SOX5: variants seen among roughly 807,000 people sequenced by gnomAD.
SOX5 encodes SRY-box transcription factor 5.
In SOX5, 9 loss-of-function variants were observed where a neutral mutation model predicts 92.0. The ratio of observed to expected loss-of-function variants is 0.10; its 90% CI spans 0.06 to 0.17. SOX5 has a LOEUF of 0.17. Among genes scored for constraint, SOX5 ranks in the 10% least tolerant of loss-of-function variants. The pLI, the probability that SOX5 is intolerant of heterozygous loss-of-function variation, is 1.00. For synonymous variants in SOX5, 344 were observed against 336.3 expected, an observed-to-expected ratio of 1.02 and a Z score of -0.25; for missense variants, 642 against 944.5, an observed-to-expected ratio of 0.68 and a Z score of 4.20.
intron 7 of SOX5, among the ~76,000 whole-genome samples, chr12:23,659,553 T>C (rs1484607653): frequency 6.6e-6 from 1 of 152,230 alleles, no homozygotes; most frequent in Non-Finnish European, 1.5e-5. Flanking sequence ...AAATGCAGAA[T>C]GAGGATGTGA....
At chr12:24,174,014 T>G (rs1482795888) in intron 4 of SOX5, among the ~76,000 whole-genome samples, 1 of 151,884 alleles carries the variant, frequency 6.6e-6, no homozygotes, top group Non-Finnish European at 1.5e-5. Context: ...TGTTTTTTTT[T>G]TCTGAGACAG....
At chr12:24,217,283 T>C (rs147019599) in intron 3 of SOX5, among the ~76,000 whole-genome samples, 130 of 152,310 alleles carry the variant, frequency 8.5e-4, no homozygotes, top group Non-Finnish European at 1.1e-3. Flanking sequence ...GACAGTCTAA[T>C]TGAGGACCTT....
chr12:23,635,152 C>G lies in SOX5; in HGVS notation c.1017+5660G>C, dbSNP rs16926483. ...CAGACTTAAGACCAATGAAGTCTTCCCTGAAAAAAGTGATGTTTTAACCTG... is the reference window on the plus strand; with the variant it reads ...CAGACTTAAGACCAATGAAGTCTTCGCTGAAAAAAGTGATGTTTTAACCTG... On this transcript the variant is annotated intron_variant, in intron 8 of 14. Coordinates refer to ENST00000451604, the MANE Select transcript of SOX5 (RefSeq NM_006940.6). Among the ~76,000 whole-genome samples the G allele has an allele frequency of 7.9e-3, 1,195 of 152,098 alleles. 21 individuals are homozygous for G. The highest frequency in any genetic ancestry group is 0.027 in the African/African-American group (1,141 of 41,508).
At chr12:24,310,858 CTTTTT>C (rs367996399) in intron 2 of SOX5, among the ~76,000 whole-genome samples, 4,401 of 145,234 alleles carry the variant, frequency 0.03, 193 homozygotes, top group African/African-American at 0.1. Flanking sequence ...TTTTTTGTTT[CTTTTT>C]TTTTTTAACT....
intron 4 of SOX5, among the ~76,000 whole-genome samples, chr12:24,010,825 G>T (rs1338457076): frequency 6.6e-6 from 1 of 151,926 alleles, no homozygotes; most frequent in Admixed American, 6.6e-5. Context: ...TGTAGTCCCA[G>T]CTATTCAAGA....
At chr12:23,980,301 T>C (rs907797025) in intron 4 of SOX5, among the ~76,000 whole-genome samples, 1 of 152,206 alleles carries the variant, frequency 6.6e-6, no homozygotes, top group Non-Finnish European at 1.5e-5. Flanking sequence ...CAGGTAAGTA[T>C]CTTTTTTCTT....
chr12:24,229,925 T>G (rs1963010298), intron 3 of SOX5, among the ~76,000 whole-genome samples: 1 of 152,222 alleles, frequency 6.6e-6, no homozygotes, highest in African/African-American at 2.4e-5. Context: ...CTGCCCTCAC[T>G]GGTCATCATA....
chr12:23,681,908 A>C (rs963452047), intron 6 of SOX5, among the ~76,000 whole-genome samples: 2 of 151,752 alleles, frequency 1.3e-5, no homozygotes, highest in South Asian at 2.1e-4. Flanking sequence ...TGTTATATCC[A>C]TCCAGTAAAA....
intron 6 of SOX5, among the ~76,000 whole-genome samples, chr12:23,674,841 A>T (rs951227651): frequency 6.6e-6 from 1 of 151,888 alleles, no homozygotes; most frequent in South Asian, 2.1e-4. Context: ...ACTATATATT[A>T]CTTTAACCAT....
chr12:24,202,644 T>A (rs557583240), intron 4 of SOX5, among the ~76,000 whole-genome samples: 2 of 152,370 alleles, frequency 1.3e-5, no homozygotes, highest in African/African-American at 4.8e-5. Flanking sequence ...TTGTTTTTAA[T>A]GACCTTCACA....
At chr12:23,628,505 G>A (rs1250822126) in intron 8 of SOX5, among the ~76,000 whole-genome samples, 1 of 152,056 alleles carries the variant, frequency 6.6e-6, no homozygotes, top group African/African-American at 2.4e-5. Flanking sequence ...TAATATTGTT[G>A]TAATTTTCAT....
At chr12:23,569,497 C>T (rs1291642101) in intron 10 of SOX5, among the ~76,000 whole-genome samples, 1 of 152,140 alleles carries the variant, frequency 6.6e-6, no homozygotes, top group East Asian at 1.9e-4. Context: ...CTTTAATGTT[C>T]CTGGAAAATC....
intron 4 of SOX5, among the ~76,000 whole-genome samples, chr12:24,085,783 A>G (rs1306853499): frequency 6.6e-6 from 1 of 151,974 alleles, no homozygotes; most frequent in Admixed American, 6.6e-5. Flanking sequence ...CTTGTCATTG[A>G]CAAAGAAGAA....
chr12:23,734,519 G>A (rs1167492148), intron 6 of SOX5, among the ~76,000 whole-genome samples, 165 bp downstream of exon 6: 1 of 152,188 alleles, frequency 6.6e-6, no homozygotes, highest in Non-Finnish European at 1.5e-5. Flanking sequence ...CCTGTAGACT[G>A]ACCAGACACC....
intron 4 of SOX5, among the ~76,000 whole-genome samples, chr12:24,209,147 A>T (rs1958325683): frequency 6.6e-6 from 1 of 152,176 alleles, no homozygotes; most frequent in African/African-American, 2.4e-5. Flanking sequence ...ATGCAGAAGA[A>T]GTTGAAGGTA....
At chr12:24,516,440 A>G (rs1949796119) in intron 1 of SOX5, among the ~76,000 whole-genome samples, 1 of 152,168 alleles carries the variant, frequency 6.6e-6, no homozygotes, top group Admixed American at 6.5e-5. Context: ...CTCAACATAA[A>G]CAAGTGTATC....
intron 4 of SOX5, among the ~76,000 whole-genome samples, chr12:23,986,742 G>A (rs1316504351): frequency 6.6e-6 from 1 of 152,138 alleles, no homozygotes; most frequent in Non-Finnish European, 1.5e-5. Flanking sequence ...AAAGTTCTAA[G>A]GATGCTTCCT....
At position 24,487,856 on chromosome 12, in the gene SOX5, T is replaced by C. The variant is rs1946672498; in HGVS notation, c.-251+74473A>G. On this transcript the variant is annotated intron_variant, in intron 1 of 4. Coordinates refer to the SOX5 transcript ENST00000446891. ...TAGTACCCAGTGTCCTCTTTTTTTT[T>C]TCCCCAAAGACAAAAACTTTCAATA... Among the ~76,000 whole-genome samples, 6 of 152,126 alleles carry C rather than the reference T, an allele frequency of 3.9e-5. No individual in the cohort carries two copies. In the South Asian group the frequency reaches 1.2e-3, roughly 31 times the overall value.
chr12:23,770,299 C>T (rs373362044), intron 3 of SOX5, among the ~76,000 whole-genome samples: 9 of 150,666 alleles, frequency 6.0e-5, no homozygotes, highest in African/African-American at 1.9e-4. Context: ...ACCCACCCAA[C>T]GCAGAGGACT....
Sources: allele counts gnomAD v4.1 joint callset (sites outside exome capture counted in the v4.1 genomes callset), GRCh38; gene constraint gnomAD v4.1.1; transcripts MANE v1.5; gene names NCBI Gene and HGNC (gene_info 2026-07-23, HGNC 2026-07-21).